CHCHD5: variants seen among roughly 807,000 people sequenced by gnomAD.
CHCHD5 encodes the protein coiled-coil-helix-coiled-coil-helix domain-containing protein 5.
In CHCHD5, 10 loss-of-function variants were observed where a neutral mutation model predicts 16.0. The observed-to-expected ratio is 0.63, with a 90% CI of 0.39 to 1.06. CHCHD5 has a LOEUF of 1.06. CHCHD5 is among the 50% of genes least tolerant of loss of function. The pLI is 0.01. For missense variants in CHCHD5, 163 were observed against 153.4 expected (o/e 1.06, Z -0.33); for synonymous variants, 55 against 56.3 (o/e 0.98, Z 0.10).
intron 1 of CHCHD5, among the ~76,000 whole-genome samples, chr2:112,585,679 G>A (rs930961927): frequency 6.6e-6 from 1 of 152,230 alleles, no homozygotes. Context: ...CAGGGGGATC[G>A]CTTGAGCCCA....
rs1177392363 is a variant in CHCHD5, at chr2:112,586,585, C to T, written c.309+220C>T. On this transcript the variant is annotated intron_variant, in intron 3 of 3. Coordinates refer to ENST00000324913, the MANE Select transcript of CHCHD5 (RefSeq NM_032309.4). The stretch of plus-strand genomic sequence containing the variant: ...CACCCTCCACCTCCAGGATACCTGC[C>T]CCAGCCTTCTCCCTGGTCTCCCTTC... 8.0e-6 allele frequency: 12 copies of T among 1,506,830 alleles called. 1 individual carries two copies. In the East Asian group the frequency reaches 3.0e-4, roughly 37 times the overall value. 93.3% of individuals were successfully genotyped at this position (1,506,830 alleles called of 1,614,324 possible).
In CHCHD5 at chr2:112,586,272, C is replaced by T. The variant is rs573555238; in HGVS notation, c.216C>T (p.Asn72=). 37 of 1,614,190 alleles carry T rather than the reference C, an allele frequency of 2.3e-5. No individual in the cohort carries two copies. The highest frequency in any genetic ancestry group is 4.5e-5 in the East Asian group (2 of 44,872). Residue 72 remains asparagine (N), a synonymous_variant, in exon 3 of 4, where the codon AAC becomes AAT. Transcript: ENST00000324913. ...CCTTCGAGGAGTGTCTTCGACAGAA[C>T]GAGGCAGCTGTGGGCAACTGTGCAG... The part of the protein sequence containing the change: ...FEAFEECLRQ[N]EAAVGNCAEH...
chr2:112,584,674 A>G (rs1685150136), intron 1 of CHCHD5, 25 bp downstream of exon 1: 3 of 1,613,628 alleles, frequency 1.9e-6, no homozygotes, highest in African/African-American at 2.7e-5. Context: ...CGCCTACCCC[A>G]TACGTGCTGC....
At chr2:112,584,875 C>T (rs895220484) in intron 1 of CHCHD5, 42 of 590,172 alleles carry the variant, frequency 7.1e-5, no homozygotes, top group African/African-American at 6.9e-4. Context: ...CTTAGGACTT[C>T]GGTCCAGTCA....
At chr2:112,586,549 A>T (rs1685233668) in intron 3 of CHCHD5, 184 bp downstream of exon 3, 3 of 1,531,962 alleles carry the variant, frequency 2.0e-6, no homozygotes, top group South Asian at 2.4e-5. Context: ...GCTTTAATCC[A>T]CCACCACCCT....
At position 112,584,621 on chromosome 2, in the gene CHCHD5, C is replaced by T; in HGVS notation, c.-27C>T. The T allele has an allele frequency of 1.9e-6, 3 of 1,611,894 alleles. No individual in the cohort carries two copies. The highest frequency in any genetic ancestry group is 1.1e-5 in the South Asian group (1 of 88,958). On this transcript the variant is annotated 5_prime_UTR_variant, in exon 1 of 4. Coordinates refer to ENST00000324913, the MANE Select transcript of CHCHD5 (RefSeq NM_032309.4). ...GAAAAGGCGGGTCGTTCCCCCCGGA[C>T]AGCCCTACGCCGGCAAAGGTCTCGA...
chr2:112,586,358 C>A lies in CHCHD5; in HGVS notation c.302C>A (p.Thr101Asn), dbSNP rs764638182. ...GTGCAGCCGCCACGCTCACCTGCAA[C>A]TGTGGAGGTAAGAGGGGCTCACCTC... ...EQVQPPRSPA[T>N]VEAQPLPAS The change falls in exon 3 of 4, where the codon ACT (threonine) becomes AAT (asparagine). Residue 101 changes from threonine to asparagine, a missense_variant. Thr to Asn is a moderately conservative substitution (Grantham distance 65). Coordinates refer to ENST00000324913, the MANE Select transcript of CHCHD5 (RefSeq NM_032309.4). 6.2e-7 allele frequency: 1 copy of A among 1,614,244 alleles called. No homozygotes were observed. The highest frequency in any genetic ancestry group is 1.1e-5 in the South Asian group (1 of 91,092).
At chr2:112,588,726 T>A in intron 3 of CHCHD5, 140 bp from the exon 4 acceptor site, 1 of 667,888 alleles carries the variant, frequency 1.5e-6, no homozygotes, top group Non-Finnish European at 2.6e-6. Flanking sequence ...TTCACATGGC[T>A]CAGGGCCAAG....
At chr2:112,585,864 C>A in intron 1 of CHCHD5, 110 bp from the exon 2 acceptor site, 1 of 1,296,660 alleles carries the variant, frequency 7.7e-7, no homozygotes. Flanking sequence ...TGCCACTGCA[C>A]TCCAGCCTGG....
intron 3 of CHCHD5, chr2:112,588,300 A>G (rs1191335138): frequency 6.6e-6 from 1 of 152,314 alleles, no homozygotes; most frequent in Non-Finnish European, 1.5e-5. Flanking sequence ...CCAAAAAAAA[A>G]AAAAAAAGGG....
chr2:112,588,689 C>T, intron 3 of CHCHD5, 177 bp from the exon 4 acceptor site: 2 of 579,666 alleles, frequency 3.5e-6, no homozygotes, highest in Non-Finnish European at 6.1e-6. Flanking sequence ...TCCCTGCCTC[C>T]CATGACACTT....
intron 3 of CHCHD5, chr2:112,588,653 T>A: frequency 1.8e-6 from 1 of 554,884 alleles, no homozygotes; most frequent in Non-Finnish European, 3.2e-6. Flanking sequence ...CGGCAGGTGC[T>A]CAGTAAATAT....
rs1685208853 is a variant in CHCHD5, at chr2:112,586,120, T to C, written c.143+6T>C. 1 of 1,595,084 alleles carries C rather than the reference T, an allele frequency of 6.3e-7. No individual in the cohort carries two copies. Among genetic ancestry groups the C allele is most frequent in the Non-Finnish European group, 8.5e-7 (1 of 1,170,222 alleles). On this transcript the variant is annotated splice_donor_region_variant and intron_variant, in intron 2 of 3. Transcript: ENST00000324913. ...GCCCAGTGCACATCCTCCCAGTGAG[T>C]GCGGGCAAGTATGAGACAGTGTGGG...
rs1047717458 is a variant in CHCHD5 at position 112,584,624 on chromosome 2, C to A, written c.-24C>A. 3 of 1,611,856 alleles carry A rather than the reference C, an allele frequency of 1.9e-6. 1 individual carries two copies. Among genetic ancestry groups the A allele is most frequent in the Non-Finnish European group, 2.5e-6 (3 of 1,179,914 alleles). Reference sequence around the variant, plus strand: ...AAGGCGGGTCGTTCCCCCCGGACAGCCCTACGCCGGCAAAGGTCTCGAGAT... The same window carrying A: ...AAGGCGGGTCGTTCCCCCCGGACAGACCTACGCCGGCAAAGGTCTCGAGAT... On this transcript the variant is annotated 5_prime_UTR_variant, in exon 1 of 4. Transcript: ENST00000324913.
At chr2:112,588,835 G>C in intron 3 of CHCHD5, 31 bp from the exon 4 acceptor site, 1 of 1,591,662 alleles carries the variant, frequency 6.3e-7, no homozygotes, top group Non-Finnish European at 8.6e-7. Context: ...CAGAGGAGGT[G>C]CTACTAGATG....
upstream of CHCHD5, chr2:112,584,486 G>A (rs1685138203): frequency 4.9e-6 from 4 of 815,358 alleles, no homozygotes; most frequent in East Asian, 8.1e-5. Flanking sequence ...CGGAAGAAGA[G>A]GTAGGGCGCC....
In CHCHD5 at chr2:112,588,947, T is replaced by C. The variant is rs1479871311; in HGVS notation, c.*58T>C. On this transcript the variant is annotated 3_prime_UTR_variant, in exon 4 of 4. Coordinates refer to ENST00000324913, the MANE Select transcript of CHCHD5 (RefSeq NM_032309.4). ...AATGACTGCCCCCACGCCCCTCCCCTGCAGAGTGGCCAGATGGAGTCCTGA... is the reference window on the plus strand; with the variant it reads ...AATGACTGCCCCCACGCCCCTCCCCCGCAGAGTGGCCAGATGGAGTCCTGA... The C allele has an allele frequency of 3.8e-6, 5 of 1,317,906 alleles. No individual in the cohort carries two copies. Among genetic ancestry groups the C allele is most frequent in the Non-Finnish European group, 5.5e-6 (5 of 913,586 alleles). The allele number at this position is 1,317,906 out of a possible 1,614,324, so 81.6% of individuals were successfully genotyped here.
upstream of CHCHD5, chr2:112,584,488 T>C: frequency 1.2e-6 from 1 of 810,676 alleles, no homozygotes; most frequent in Non-Finnish European, 2.0e-6. Flanking sequence ...GAAGAAGAGG[T>C]AGGGCGCCGC....
At chr2:112,586,733 A>G (rs1685238267) in intron 3 of CHCHD5, 2 of 849,550 alleles carry the variant, frequency 2.4e-6, no homozygotes, top group Non-Finnish European at 3.5e-6. Flanking sequence ...ACAAAAGTCC[A>G]GGTCCTTGCT....
Sources: allele counts gnomAD v4.1 joint callset (sites outside exome capture counted in the v4.1 genomes callset), GRCh38; gene constraint gnomAD v4.1.1; transcripts MANE v1.5; gene names NCBI Gene and HGNC (gene_info 2026-07-23, HGNC 2026-07-21).